The following SEC16B variants were observed in gnomAD, a reference collection of about 807,000 sequenced individuals.
SEC16B encodes the protein SEC16 homolog B, endoplasmic reticulum export factor, also known as protein transport protein Sec16B.
In SEC16B, 115 loss-of-function variants were observed where a neutral mutation model predicts 141.8. The observed-to-expected ratio is 0.81, with a 90% CI of 0.70 to 0.95. The LOEUF is 0.95. Among genes scored for constraint, SEC16B ranks in the 40% least tolerant of loss-of-function variants. The probability of loss-of-function intolerance (pLI) is 0.00; values close to 1 mark genes in which losing one functional copy is unlikely to be tolerated. For missense variants in SEC16B, 1,291 were observed against 1,312.3 expected (o/e 0.98, Z 0.25); for synonymous variants, 493 against 492.5 (o/e 1.00, Z -0.01).
upstream of SEC16B, among the ~76,000 whole-genome samples, chr1:177,971,164 C>G (rs1261728009): frequency 6.6e-6 from 1 of 151,974 alleles, no homozygotes; most frequent in Non-Finnish European, 1.5e-5. Flanking sequence ...TCACTGCAAC[C>G]TCTACCTCCC....
intron 12 of SEC16B, among the ~76,000 whole-genome samples, chr1:177,949,234 G>A (rs1172025070): frequency 3.9e-5 from 6 of 151,998 alleles, no homozygotes; most frequent in African/African-American, 4.8e-5. Context: ...GTGTCACATC[G>A]AACCATGAAC....
At chr1:177,980,877 G>A (rs979085311) in intron 1 of SEC16B, among the ~76,000 whole-genome samples, 1 of 152,114 alleles carries the variant, frequency 6.6e-6, no homozygotes. Context: ...GAGAGGATGT[G>A]TTCTGGGCAG....
rs111326727 is a variant in SEC16B at position 177,964,892 on chromosome 1, A to C, written c.533+155T>G. On this transcript the variant is annotated intron_variant, in intron 4 of 25. Coordinates refer to ENST00000308284, the MANE Select transcript of SEC16B (RefSeq NM_033127.4). ...CCAGGGTCCATATTAACAGCTGGCC[A>C]GGCCCATCCTGGGATATTCCCATAT... Among the ~76,000 whole-genome samples, 810 of 152,338 alleles carry C rather than the reference A, an allele frequency of 5.3e-3. 6 individuals are homozygous for C. Among genetic ancestry groups the C allele is most frequent in the African/African-American group, 0.017 (696 of 41,576 alleles).
chr1:177,969,173 G>A (rs1265346773), intron 1 of SEC16B, among the ~76,000 whole-genome samples: 1 of 152,170 alleles, frequency 6.6e-6, no homozygotes, highest in African/African-American at 2.4e-5. Flanking sequence ...CACTACTGAA[G>A]GTCCCAGCCT....
intron 2 of SEC16B, 79 bp from the exon 3 acceptor site, chr1:177,966,084 A>G (rs1653495734): frequency 2.4e-6 from 2 of 843,582 alleles, no homozygotes; most frequent in Non-Finnish European, 3.8e-6. Flanking sequence ...TTGACAAACT[A>G]AACAGGTTCA....
intron 8 of SEC16B, 94 bp downstream of exon 8, chr1:177,960,248 G>A: frequency 1.2e-6 from 1 of 845,500 alleles, no homozygotes; most frequent in Non-Finnish European, 1.9e-6. Context: ...TTTTTTCCAA[G>A]GAAACCAAGA....
chr1:177,958,747 C>T (rs1652825063), intron 9 of SEC16B, 93 bp downstream of exon 9: 4 of 1,455,448 alleles, frequency 2.7e-6, no homozygotes, highest in Non-Finnish European at 3.6e-6. Flanking sequence ...TTTAATATTG[C>T]TTTTCATAAT....
intron 20 of SEC16B, among the ~76,000 whole-genome samples, chr1:177,933,994 C>CCCCG (rs1378192157): frequency 6.7e-6 from 1 of 150,232 alleles, no homozygotes; most frequent in African/African-American, 2.5e-5. Context: ...CAAGCTCCCC[C>CCCCG]CAAAAAAAAA....
At chr1:177,939,663 C>CT (rs1240469891) in intron 18 of SEC16B, 39 bp downstream of exon 18, 1 of 1,432,686 alleles carries the variant, frequency 7.0e-7, no homozygotes, top group African/African-American at 1.4e-5. Context: ...AGATCCTGAG[C>CT]GTCAGCTATG....
intron 17 of SEC16B, among the ~76,000 whole-genome samples, chr1:177,940,277 G>A (rs538953261): frequency 6.6e-6 from 1 of 152,206 alleles, no homozygotes; most frequent in Non-Finnish European, 1.5e-5. Flanking sequence ...GTGATCCATT[G>A]TTCCTAGCGG....
chr1:177,958,792 G>A (rs758276313), intron 9 of SEC16B, 48 bp downstream of exon 9: 72 of 1,576,656 alleles, frequency 4.6e-5, no homozygotes, highest in Non-Finnish European at 6.0e-5. Flanking sequence ...ATCCCATGAA[G>A]ACTTAAATTT....
chr1:177,949,283 A>G (rs1651977675), intron 12 of SEC16B, among the ~76,000 whole-genome samples: 2 of 152,060 alleles, frequency 1.3e-5, no homozygotes, highest in Non-Finnish European at 2.9e-5. Flanking sequence ...CAATAATCAC[A>G]TGTGCTAAGT....
intron 10 of SEC16B, among the ~76,000 whole-genome samples, chr1:177,957,234 A>T (rs546473730): frequency 6.6e-6 from 1 of 152,202 alleles, no homozygotes; most frequent in Non-Finnish European, 1.5e-5. Flanking sequence ...GGTATAATTT[A>T]TAGTGGTTGA....
At chr1:177,936,544 C>T (rs945972346) in intron 19 of SEC16B, among the ~76,000 whole-genome samples, 179 bp from the exon 20 acceptor site, 14 of 152,274 alleles carry the variant, frequency 9.2e-5, no homozygotes, top group African/African-American at 3.4e-4. Flanking sequence ...TCAATCCCAG[C>T]CACCCCAGGA....
chr1:177,965,126 G>C lies in SEC16B; in HGVS notation c.454C>G (p.Arg152Gly). The C allele has an allele frequency of 6.2e-7, 1 of 1,613,444 alleles. No homozygotes were observed. Among genetic ancestry groups the C allele is most frequent in the Non-Finnish European group, 8.5e-7 (1 of 1,179,700 alleles). ...TGTTCATCAAGGTACTTTTGCTCTC[G>C]GTAATCTTCGTGCCAGATATAAGGA... ...RSPYIWHEDY[R>G]EQKYLDEHHY... The change falls in exon 4 of 26, where the codon CGA (arginine) becomes GGA (glycine). Residue 152 changes from arginine to glycine, a missense_variant. By Grantham distance (125) the Arg-to-Gly change is moderately radical. Coordinates refer to ENST00000308284, the MANE Select transcript of SEC16B (RefSeq NM_033127.4).
intron 1 of SEC16B, among the ~76,000 whole-genome samples, chr1:177,981,031 C>T (rs887337678): frequency 5.9e-5 from 9 of 151,960 alleles, no homozygotes; most frequent in Middle Eastern, 3.2e-3. Context: ...GCTTGGCACC[C>T]GGACAAGAAG....
intron 1 of SEC16B, among the ~76,000 whole-genome samples, chr1:177,981,420 C>T (rs1654409583): frequency 6.6e-6 from 1 of 152,152 alleles, no homozygotes; most frequent in Non-Finnish European, 1.5e-5. Flanking sequence ...GCTTGAACTA[C>T]TGTGAAAGAA....
chr1:177,931,986 A>G (rs1038904837), intron 24 of SEC16B, among the ~76,000 whole-genome samples: 2 of 136,984 alleles, frequency 1.5e-5, no homozygotes, highest in African/African-American at 3.0e-5. Flanking sequence ...GTGTTCCCAG[A>G]AAAAAAAAAA....
chr1:177,959,236 GA>G, intron 8 of SEC16B: 1 of 460,900 alleles, frequency 2.2e-6, no homozygotes, highest in Non-Finnish European at 4.0e-6. Context: ...CACTGCACAG[GA>G]AAGCAAGTAA....
Sources: allele counts gnomAD v4.1 joint callset (sites outside exome capture counted in the v4.1 genomes callset), GRCh38; gene constraint gnomAD v4.1.1; transcripts MANE v1.5; gene names NCBI Gene and HGNC (gene_info 2026-07-23, HGNC 2026-07-21).